DIAPH2: variants seen among roughly 807,000 people sequenced by gnomAD.
The protein encoded by DIAPH2 is protein diaphanous homolog 2.
In DIAPH2, 35 loss-of-function variants were observed where a neutral mutation model predicts 92.7. That is an observed-to-expected ratio of 0.38 (90% CI 0.29 to 0.50). DIAPH2 has a LOEUF of 0.50. Among genes scored for constraint, DIAPH2 ranks in the 20% least tolerant of loss-of-function variants. The pLI is 0.94. For synonymous variants in DIAPH2, 301 were observed against 280.4 expected (o/e 1.07, Z -0.73); for missense variants, 701 against 819.5 (o/e 0.86, Z 1.77).
rs183526208 is a variant in DIAPH2 at position 96,884,720 on chromosome X, C to T, written c.587+3002C>T. On this transcript the variant is annotated intron_variant, in intron 5 of 26. Coordinates refer to ENST00000324765, the MANE Select transcript of DIAPH2 (RefSeq NM_006729.5). ...GGTATCCTCAAATGTCCCACGGGAA[C>T]AAAGAGCCTTGAGGTATTGAAAATT... The T allele has an allele frequency of 5.0e-6, 6 of 1,208,165 alleles. No individual in the cohort carries two copies. The Admixed American group carries it at 1.1e-4, about 22-fold the overall frequency.
intron 24 of DIAPH2, among the ~76,000 whole-genome samples, chrX:97,376,298 T>A (rs772401142): frequency 9.0e-6 from 1 of 111,680 alleles, no homozygotes; most frequent in African/African-American, 3.2e-5. Context: ...CCAAGAATTT[T>A]CCCCCAAAAC....
chrX:96,888,227 A>ATCTC (rs754597064), intron 5 of DIAPH2, among the ~76,000 whole-genome samples: 23 of 108,622 alleles, frequency 2.1e-4, no homozygotes, highest in Non-Finnish European at 3.6e-4. Flanking sequence ...TGCCTGGCTA[A>ATCTC]TTTTTATATT....
At chrX:97,181,702 G>A (rs1051065533) in intron 22 of DIAPH2, among the ~76,000 whole-genome samples, 9 of 112,451 alleles carry the variant, frequency 8.0e-5, no homozygotes, top group Non-Finnish European at 1.5e-4. Context: ...GAGCCACCAC[G>A]CCCGGCCTAG....
At chrX:96,739,440 CAT>C (rs984077057) in intron 3 of DIAPH2, among the ~76,000 whole-genome samples, 4 of 111,708 alleles carry the variant, frequency 3.6e-5, no homozygotes, top group African/African-American at 1.3e-4. Context: ...TTATATCCCA[CAT>C]GTTACTGTAC....
At chrX:97,198,661 G>C (rs2067723318) in intron 22 of DIAPH2, among the ~76,000 whole-genome samples, 1 of 110,921 alleles carries the variant, frequency 9.0e-6, no homozygotes, top group Non-Finnish European at 1.9e-5. Flanking sequence ...ACATCTTTAA[G>C]CTAATGATCC....
At chrX:97,388,591 A>T (rs2069623580) in intron 25 of DIAPH2, among the ~76,000 whole-genome samples, 2 of 111,179 alleles carry the variant, frequency 1.8e-5, no homozygotes. Flanking sequence ...AGTTCAACTT[A>T]TAGCATGTGT....
chrX:97,048,057 G>A (rs1026140659), intron 17 of DIAPH2, among the ~76,000 whole-genome samples: 1 of 110,810 alleles, frequency 9.0e-6, no homozygotes, highest in African/African-American at 3.3e-5. Flanking sequence ...AGAAAGACCA[G>A]TTATACATTA....
In DIAPH2 at chrX:96,788,153, A is replaced by G. The variant is rs1206959535; in HGVS notation, c.447+29895A>G. On this transcript the variant is annotated intron_variant, in intron 4 of 26. Transcript: ENST00000324765. ...AGGTAGTAGTAATAATCTTATAGCT[A>G]ATTTTAAGACTCTGCCACTAAGGTG... Among the ~76,000 whole-genome samples the G allele has an allele frequency of 8.9e-5, 10 of 111,836 alleles. No homozygotes were observed. In the Admixed American group the frequency reaches 9.5e-4, roughly 11 times the overall value.
chrX:96,945,601 TA>T lies in DIAPH2; in HGVS notation c.1509+14del. The T allele has an allele frequency of 9.0e-7, 1 of 1,117,226 alleles. No homozygotes were observed. The allele number at this position is 1,117,226 out of a possible 1,213,427, so 92.1% of individuals were successfully genotyped here. ...AGAGTTTTCAAAGAAGGTAAGCTTATAAAATATTAGCCATAATCGTTAGGTT... is the reference window on the plus strand; with the variant it reads ...AGAGTTTTCAAAGAAGGTAAGCTTATAAATATTAGCCATAATCGTTAGGTT... On this transcript the variant is annotated intron_variant, in intron 14 of 26. Transcript: ENST00000324765.
intron 17 of DIAPH2, among the ~76,000 whole-genome samples, chrX:97,002,716 C>T (rs2066152806): frequency 9.0e-6 from 1 of 111,515 alleles, no homozygotes; most frequent in South Asian, 3.7e-4. Context: ...TTGATACAGG[C>T]ATACCATGTG....
At chrX:96,753,869 AC>A (rs2064208498) in intron 3 of DIAPH2, among the ~76,000 whole-genome samples, 2 of 112,157 alleles carry the variant, frequency 1.8e-5, no homozygotes, top group African/African-American at 6.5e-5. Context: ...CAGTTCTGTA[AC>A]AACATCACCT....
At chrX:96,830,353 C>T (rs1364060098) in intron 4 of DIAPH2, among the ~76,000 whole-genome samples, 6 of 109,391 alleles carry the variant, frequency 5.5e-5, no homozygotes, top group Admixed American at 1.9e-4. Flanking sequence ...GGGTGGATCA[C>T]GAGGTCAGGA....
chrX:96,724,816 A>C (rs760003248), intron 1 of DIAPH2, among the ~76,000 whole-genome samples: 2 of 112,447 alleles, frequency 1.8e-5, no homozygotes, highest in Non-Finnish European at 3.8e-5. Context: ...AGAGAAAATA[A>C]AAATCTGAAT....
At chrX:97,387,945 A>G (rs180912473) in intron 25 of DIAPH2, among the ~76,000 whole-genome samples, 2 of 112,216 alleles carry the variant, frequency 1.8e-5, no homozygotes, top group East Asian at 2.8e-4. Flanking sequence ...ATGTCTAAGA[A>G]GCCATTGTAT....
intron 26 of DIAPH2, among the ~76,000 whole-genome samples, chrX:97,570,098 ATATATATATATATATATATATATATT>A (rs2071355883): frequency 6.5e-5 from 2 of 30,860 alleles, no homozygotes; most frequent in East Asian, 1.5e-3. Context: ...ATATATATAT[ATATATATATATATATATATATATATT>A]AGAAGATAGA....
chrX:96,689,160 G>A (rs1462975417), intron 1 of DIAPH2, among the ~76,000 whole-genome samples: 1 of 106,477 alleles, frequency 9.4e-6, no homozygotes, highest in Non-Finnish European at 1.9e-5. Context: ...AACAGATAAG[G>A]GAGCATATCC....
chrX:97,257,933 C>A (rs1174233059), intron 23 of DIAPH2, among the ~76,000 whole-genome samples: 1 of 104,903 alleles, frequency 9.5e-6, no homozygotes, highest in Middle Eastern at 4.4e-3. Context: ...ATAATTCTAT[C>A]CCCCAAGGAA....
Position 96,782,314 on chromosome X carries a change from C to T in DIAPH2, c.447+24056C>T, listed in dbSNP as rs138767297. On this transcript the variant is annotated intron_variant, in intron 4 of 26. Transcript: ENST00000324765. The stretch of plus-strand genomic sequence containing the variant: ...GTTTGTTTGTTTGTTTGTTTTGAGA[C>T]GGAGTCTCGCTCTGTCACCCAGGCT... Among the ~76,000 whole-genome samples, 877 of 109,639 alleles carry T rather than the reference C, an allele frequency of 8.0e-3. 7 individuals carry two copies. Among genetic ancestry groups the T allele is most frequent in the African/African-American group, 0.027 (822 of 29,996 alleles).
At chrX:96,851,909 A>G (rs2065008399) in intron 4 of DIAPH2, among the ~76,000 whole-genome samples, 2 of 112,227 alleles carry the variant, frequency 1.8e-5, no homozygotes, top group Admixed American at 9.4e-5. Flanking sequence ...AAGAGAAGTA[A>G]TTGTATATAT....
Sources: allele counts gnomAD v4.1 joint callset (sites outside exome capture counted in the v4.1 genomes callset), GRCh38; gene constraint gnomAD v4.1.1; transcripts MANE v1.5; gene names NCBI Gene and HGNC (gene_info 2026-07-23, HGNC 2026-07-21).